Variants in RNF220 observed in about 807,000 individuals in gnomAD.
RNF220 encodes ring finger protein 220, also known as E3 ubiquitin-protein ligase RNF220.
A neutral mutation model predicts 67.1 loss-of-function variants in RNF220; 7 were observed. The observed-to-expected ratio is 0.10, with a 90% CI of 0.06 to 0.20. RNF220 has a LOEUF of 0.20. Among genes scored for constraint, RNF220 ranks in the 10% least tolerant of loss-of-function variants. The pLI is 1.00. For missense variants in RNF220, 565 were observed against 740.3 expected (o/e 0.76, Z 2.75); for synonymous variants, 270 against 283.2 (o/e 0.95, Z 0.47).
intron 2 of RNF220, among the ~76,000 whole-genome samples, chr1:44,526,254 G>A (rs917718155): frequency 2.6e-5 from 4 of 152,196 alleles, no homozygotes; most frequent in South Asian, 2.1e-4. Context: ...AACAGTCTGC[G>A]TACTTGTCCC....
At chr1:44,529,969 G>A (rs1660705399) in intron 2 of RNF220, among the ~76,000 whole-genome samples, 2 of 151,788 alleles carry the variant, frequency 1.3e-5, no homozygotes, top group African/African-American at 2.4e-5. Context: ...CAGGAGAATC[G>A]CTTGAACCAG....
chr1:44,501,750 C>A (rs1657906695), intron 2 of RNF220, among the ~76,000 whole-genome samples: 1 of 152,034 alleles, frequency 6.6e-6, no homozygotes, highest in South Asian at 2.1e-4. Context: ...GTGACAAGTG[C>A]AGGCTTGGTT....
intron 2 of RNF220, among the ~76,000 whole-genome samples, chr1:44,555,710 C>A (rs7539479): frequency 6.8e-6 from 1 of 147,902 alleles, no homozygotes; most frequent in African/African-American, 2.6e-5. Context: ...CTCCTGACCT[C>A]ATGATTCGCC....
At chr1:44,428,240 G>A (rs958421019) in intron 2 of RNF220, among the ~76,000 whole-genome samples, 1 of 152,092 alleles carries the variant, frequency 6.6e-6, no homozygotes, top group Non-Finnish European at 1.5e-5. Context: ...TTAGTAAAGG[G>A]CTTGACGAAT....
chr1:44,531,234 G>T (rs1660806961), intron 2 of RNF220, among the ~76,000 whole-genome samples: 1 of 152,144 alleles, frequency 6.6e-6, no homozygotes, highest in Non-Finnish European at 1.5e-5. Flanking sequence ...TTCACTAAGT[G>T]CTTCACAATC....
At chr1:44,443,944 A>ATTT (rs1651816332) in intron 2 of RNF220, among the ~76,000 whole-genome samples, 3 of 152,184 alleles carry the variant, frequency 2.0e-5, no homozygotes, top group Non-Finnish European at 2.9e-5. Context: ...TACAAAAATT[A>ATTT]GCCGAACATG....
chr1:44,610,870 A>G (rs1397029740), intron 2 of RNF220, among the ~76,000 whole-genome samples: 1 of 152,198 alleles, frequency 6.6e-6, no homozygotes, highest in African/African-American at 2.4e-5. Context: ...CCACCCCAGC[A>G]AGACCACAGC....
At chr1:44,554,345 A>C (rs1250779138) in intron 2 of RNF220, among the ~76,000 whole-genome samples, 1 of 151,854 alleles carries the variant, frequency 6.6e-6, no homozygotes, top group Admixed American at 6.6e-5. Flanking sequence ...AAAATTGAGG[A>C]ATGCTTGCCA....
intron 2 of RNF220, among the ~76,000 whole-genome samples, chr1:44,471,021 A>C (rs1354715466): frequency 6.6e-6 from 1 of 152,124 alleles, no homozygotes; most frequent in Non-Finnish European, 1.5e-5. Context: ...GAGCTCAGGC[A>C]TTCGAGGCTG....
At chr1:44,473,655 T>G (rs374006901) in intron 2 of RNF220, among the ~76,000 whole-genome samples, 40 of 152,162 alleles carry the variant, frequency 2.6e-4, no homozygotes, top group African/African-American at 9.7e-4. Context: ...CAAGCCTGAT[T>G]GAAGATAATT....
Position 44,644,906 on chromosome 1 carries a change from C to T in RNF220, c.1224-89C>T, listed in dbSNP as rs867278984. 32 of 1,553,562 alleles carry T rather than the reference C, an allele frequency of 2.1e-5. No individual in the cohort carries two copies. The Middle Eastern group carries it at 5.0e-4, about 24-fold the overall frequency. Reference sequence around the variant, plus strand: ...ACCACCCCCCGGGCCAGAGTCTCAGCTTTGGCCAGGAGGGCCATGCTCTCC... The same window carrying T: ...ACCACCCCCCGGGCCAGAGTCTCAGTTTTGGCCAGGAGGGCCATGCTCTCC... On this transcript the variant is annotated intron_variant, in intron 9 of 14. Transcript: ENST00000361799.
intron 2 of RNF220, among the ~76,000 whole-genome samples, chr1:44,501,144 GGA>G (rs1452714996): frequency 2.0e-5 from 3 of 150,366 alleles, no homozygotes; most frequent in Admixed American, 6.6e-5. Context: ...TGACACAAAG[GGA>G]GAGTCTTGTG....
intron 2 of RNF220, among the ~76,000 whole-genome samples, chr1:44,413,343 A>G (rs1413050702): frequency 6.6e-6 from 1 of 152,204 alleles, no homozygotes; most frequent in African/African-American, 2.4e-5. Flanking sequence ...GGTTTGCTGG[A>G]TGCTTATCCT....
chr1:44,646,371 G>A (rs879305592), intron 12 of RNF220, among the ~76,000 whole-genome samples: 2 of 152,258 alleles, frequency 1.3e-5, no homozygotes, highest in Non-Finnish European at 2.9e-5. Context: ...AGTTTATCTC[G>A]GCCGGGGCCG....
intron 2 of RNF220, among the ~76,000 whole-genome samples, chr1:44,609,513 G>A (rs376998396): frequency 2.0e-5 from 3 of 152,170 alleles, no homozygotes; most frequent in South Asian, 2.1e-4. Context: ...CAAGACGCCC[G>A]ACCTCTATAT....
chr1:44,525,145 A>T (rs1432771271), intron 2 of RNF220, among the ~76,000 whole-genome samples: 5 of 152,248 alleles, frequency 3.3e-5, no homozygotes, highest in African/African-American at 9.6e-5. Flanking sequence ...GAAAGGATGT[A>T]GCAATCTTTT....
chr1:44,516,633 G>A lies in RNF220; in HGVS notation c.626-97532G>A, dbSNP rs1443685233. ...GAACCACCAAGAGAAAGGAAGATGG[G>A]AGGAAAGTGAAGGGAAAGAGGAAGA... On this transcript the variant is annotated intron_variant, in intron 2 of 14. Transcript: ENST00000361799. Among the ~76,000 whole-genome samples, 4 of 152,096 alleles carry A rather than the reference G, an allele frequency of 2.6e-5. No individual in the cohort carries two copies. The East Asian group carries it at 7.7e-4, about 29-fold the overall frequency.
At chr1:44,431,300 A>G (rs1319790623) in intron 2 of RNF220, among the ~76,000 whole-genome samples, 6 of 151,950 alleles carry the variant, frequency 3.9e-5, no homozygotes, top group African/African-American at 1.5e-4. Flanking sequence ...TCCCAGCCTA[A>G]CCAAGATGGT....
intron 2 of RNF220, among the ~76,000 whole-genome samples, chr1:44,583,440 C>T (rs1037609421): frequency 4.6e-5 from 7 of 152,214 alleles, no homozygotes; most frequent in African/African-American, 1.7e-4. Flanking sequence ...CAAACAGATA[C>T]TAGAAATCTG....
Sources: allele counts gnomAD v4.1 joint callset (sites outside exome capture counted in the v4.1 genomes callset), GRCh38; gene constraint gnomAD v4.1.1; transcripts MANE v1.5; gene names NCBI Gene and HGNC (gene_info 2026-07-23, HGNC 2026-07-21).